Variants in TAF3 observed in about 807,000 individuals in gnomAD.
TAF3 encodes transcription initiation factor TFIID subunit 3.
TAF3 carries 7 observed loss-of-function variants against 80.6 expected under a neutral mutation model. The ratio of observed to expected loss-of-function variants is 0.09; its 90% CI spans 0.05 to 0.16. The LOEUF is 0.16. Among genes scored for constraint, TAF3 ranks in the 10% least tolerant of loss-of-function variants. The pLI, the probability that TAF3 is intolerant of heterozygous loss-of-function variation, is 1.00. For synonymous variants in TAF3, 444 were observed against 446.1 expected (o/e 1.00, Z 0.06); for missense variants, 921 against 1,140.2 (o/e 0.81, Z 2.77).
intron 2 of TAF3, among the ~76,000 whole-genome samples, chr10:7,908,534 A>G (rs531649096): frequency 6.6e-6 from 1 of 152,276 alleles, no homozygotes; most frequent in South Asian, 2.1e-4. Context: ...GCATTACCCA[A>G]CACCATCATG....
At chr10:7,861,211 G>C (rs1263331865) in intron 2 of TAF3, among the ~76,000 whole-genome samples, 1 of 152,064 alleles carries the variant, frequency 6.6e-6, no homozygotes, top group Non-Finnish European at 1.5e-5. Context: ...TGATCCGCCC[G>C]TCTTGGCCTC....
At chr10:7,884,404 G>A (rs867837233) in intron 2 of TAF3, among the ~76,000 whole-genome samples, 1 of 34,712 alleles carries the variant, frequency 2.9e-5, no homozygotes, top group Non-Finnish European at 8.3e-5. Flanking sequence ...TTTTTTTTTT[G>A]AGATGGAGTT....
intron 6 of TAF3, among the ~76,000 whole-genome samples, chr10:8,014,049 T>C (rs1219185300): frequency 6.6e-6 from 1 of 152,220 alleles, no homozygotes. Context: ...AAATTCTGAA[T>C]ATTCTGCTTA....
At chr10:7,848,411 T>C (rs528743845) in intron 2 of TAF3, among the ~76,000 whole-genome samples, 2 of 152,330 alleles carry the variant, frequency 1.3e-5, no homozygotes, top group South Asian at 4.1e-4. Flanking sequence ...TTTCCTTTCA[T>C]GTACAGTGTG....
At chr10:7,818,946 C>G (rs1192448828) in intron 1 of TAF3, 71 bp downstream of exon 1, 4 of 1,320,372 alleles carry the variant, frequency 3.0e-6, no homozygotes, top group Non-Finnish European at 3.9e-6. Context: ...CTCCCTGTCC[C>G]TCCGCGTCCC....
intron 2 of TAF3, among the ~76,000 whole-genome samples, chr10:7,942,320 A>G (rs1837983802): frequency 1.3e-5 from 2 of 152,232 alleles, no homozygotes; most frequent in African/African-American, 4.8e-5. Context: ...TTTATCAAAC[A>G]TATTTTAAGC....
chr10:7,821,962 G>T (rs1836694546), intron 1 of TAF3, among the ~76,000 whole-genome samples: 1 of 152,208 alleles, frequency 6.6e-6, no homozygotes, highest in South Asian at 2.1e-4. Flanking sequence ...AAGGTGTTCA[G>T]CTCCCTATGC....
chr10:7,886,490 G>T (rs1160482078), intron 2 of TAF3, among the ~76,000 whole-genome samples: 4 of 152,070 alleles, frequency 2.6e-5, no homozygotes, highest in African/African-American at 7.2e-5. Context: ...GAAAAGTTTG[G>T]TTTTTGCATT....
chr10:7,919,806 T>C (rs975626067), intron 2 of TAF3, among the ~76,000 whole-genome samples: 1 of 152,206 alleles, frequency 6.6e-6, no homozygotes, highest in African/African-American at 2.4e-5. Flanking sequence ...AATCCACAGA[T>C]GTGGAACCCA....
chr10:7,830,789 A>G (rs1188013315), intron 2 of TAF3, among the ~76,000 whole-genome samples: 1 of 151,824 alleles, frequency 6.6e-6, no homozygotes, highest in Non-Finnish European at 1.5e-5. Context: ...CAACCATGTC[A>G]TTTACCTTTT....
intron 2 of TAF3, among the ~76,000 whole-genome samples, chr10:7,941,731 A>G (rs1480000991): frequency 6.6e-6 from 1 of 152,132 alleles, no homozygotes; most frequent in Admixed American, 6.5e-5. Context: ...GAACTTATTT[A>G]CTTGAACTGG....
At position 8,014,859 on chromosome 10, in the gene TAF3, T is replaced by A; in HGVS notation, c.*108T>A. 1.1e-6 allele frequency: 1 copy of A among 951,842 alleles called. No individual in the cohort carries two copies. The highest frequency in any genetic ancestry group is 1.6e-6 in the Non-Finnish European group (1 of 643,082). The allele number at this position is 951,842 out of a possible 1,614,324, so 59.0% of individuals were successfully genotyped here. A position where few individuals can be genotyped will look rare whatever the true frequency, so the allele number is the denominator to read the frequency against. On this transcript the variant is annotated 3_prime_UTR_variant, in exon 7 of 7. Coordinates refer to ENST00000344293, the MANE Select transcript of TAF3 (RefSeq NM_031923.4). The stretch of plus-strand genomic sequence containing the variant: ...CGTCACATCCACCCCCAGATGCCTG[T>A]GGATAAAGAACCCAGGAGGACTGAG...
intron 2 of TAF3, among the ~76,000 whole-genome samples, chr10:7,830,908 A>G (rs527492105): frequency 6.6e-6 from 1 of 152,256 alleles, no homozygotes; most frequent in South Asian, 2.1e-4. Flanking sequence ...CGCATTGTGC[A>G]CTCATAATGC....
chr10:7,868,751 T>C (rs1837238611), intron 2 of TAF3, among the ~76,000 whole-genome samples: 1 of 152,218 alleles, frequency 6.6e-6, no homozygotes, highest in Non-Finnish European at 1.5e-5. Flanking sequence ...TTTTGGCACC[T>C]AGAAAGTACC....
At chr10:7,876,445 T>C (rs1837312817) in intron 2 of TAF3, among the ~76,000 whole-genome samples, 1 of 152,336 alleles carries the variant, frequency 6.6e-6, no homozygotes, top group South Asian at 2.1e-4. Context: ...ACATATTGTT[T>C]TCTAAAAGTT....
intron 5 of TAF3, among the ~76,000 whole-genome samples, chr10:8,011,880 A>C (rs1375458439): frequency 6.6e-6 from 1 of 152,204 alleles, no homozygotes; most frequent in Non-Finnish European, 1.5e-5. Context: ...TAGACAATGT[A>C]GATGGAAAGC....
intron 2 of TAF3, among the ~76,000 whole-genome samples, chr10:7,960,878 G>A (rs578152507): frequency 1.0e-3 from 152 of 152,260 alleles, no homozygotes; most frequent in Admixed American, 2.2e-3. Flanking sequence ...TAACTCTTCC[G>A]TGTAATAAAG....
intron 2 of TAF3, among the ~76,000 whole-genome samples, chr10:7,958,830 C>T (rs906588302): frequency 3.3e-5 from 5 of 152,068 alleles, no homozygotes; most frequent in Non-Finnish European, 5.9e-5. Flanking sequence ...TTTTCCTTTT[C>T]TTATTAAAAG....
chr10:7,907,119 A>G (rs1463216501), intron 2 of TAF3, among the ~76,000 whole-genome samples: 3 of 152,174 alleles, frequency 2.0e-5, no homozygotes, highest in Non-Finnish European at 4.4e-5. Context: ...AAAATGTCAA[A>G]GCCAGGTCTG....
Sources: gnomAD v4.1 joint callset for allele counts (sites outside exome capture counted in the v4.1 genomes callset) on GRCh38, gnomAD v4.1.1 for gene constraint, MANE v1.5 for transcripts, NCBI Gene and HGNC (gene_info 2026-07-23, HGNC 2026-07-21) for gene names.